Variants in SUDS3 observed in about 807,000 individuals in gnomAD.
SUDS3 encodes the protein SIN3A corepressor complex component SDS3.
SUDS3 carries 23 observed loss-of-function variants against 53.5 expected under a neutral mutation model. That is an observed-to-expected ratio of 0.43 (90% CI 0.31 to 0.61). The LOEUF (loss-of-function observed/expected upper bound fraction) is 0.61. SUDS3 is among the 20% of genes least tolerant of loss of function. The probability of loss-of-function intolerance (pLI) is 0.10; values close to 1 mark genes in which losing one functional copy is unlikely to be tolerated. For missense variants in SUDS3, 291 were observed against 405.9 expected, an observed-to-expected ratio of 0.72 and a Z score of 2.43; for synonymous variants, 150 against 148.5, an observed-to-expected ratio of 1.01 and a Z score of -0.08.
At chr12:118,383,840 C>A (rs1217044768) in intron 2 of SUDS3, among the ~76,000 whole-genome samples, 172 bp from the exon 3 acceptor site, 1 of 152,196 alleles carries the variant, frequency 6.6e-6, no homozygotes, top group East Asian at 1.9e-4. Flanking sequence ...CCTTTCTGAT[C>A]CCTGTGGCTG....
intron 4 of SUDS3, among the ~76,000 whole-genome samples, chr12:118,388,962 A>C (rs1310224564): frequency 6.6e-6 from 1 of 152,196 alleles, no homozygotes; most frequent in Non-Finnish European, 1.5e-5. Flanking sequence ...CCTCCTGGCC[A>C]ACATGGTGAA....
At chr12:118,394,405 T>A (rs962793142) in intron 6 of SUDS3, among the ~76,000 whole-genome samples, 1 of 152,174 alleles carries the variant, frequency 6.6e-6, no homozygotes, top group Non-Finnish European at 1.5e-5. Context: ...AGCCATTTGC[T>A]CACAGTCCCT....
At chr12:118,389,823 C>A in intron 4 of SUDS3, 104 bp from the exon 5 acceptor site, 1 of 1,372,912 alleles carries the variant, frequency 7.3e-7, no homozygotes, top group Non-Finnish European at 1.0e-6. Context: ...TGCTTTGTAA[C>A]ATGCTTTCAG....
At chr12:118,385,509 C>G (rs749610786) in intron 3 of SUDS3, among the ~76,000 whole-genome samples, 1 of 152,220 alleles carries the variant, frequency 6.6e-6, no homozygotes. Flanking sequence ...CACTTCCCCC[C>G]ACAAGATGGG....
Position 118,400,758 on chromosome 12 carries a change from T to C in SUDS3, c.613+4T>C. 2.5e-6 allele frequency: 4 copies of C among 1,613,588 alleles called. No individual in the cohort carries two copies. The highest frequency in any genetic ancestry group is 2.7e-5 in the African/African-American group (2 of 75,042). Reference sequence around the variant, plus strand: ...AAGAGGAGGAAACCTGCTCCAGATATCCATTTACATCAAGCCTTAACCGCC... The same window carrying C: ...AAGAGGAGGAAACCTGCTCCAGATACCCATTTACATCAAGCCTTAACCGCC... On this transcript the variant is annotated splice_donor_region_variant and intron_variant, in intron 7 of 11. Coordinates refer to ENST00000543473, the MANE Select transcript of SUDS3 (RefSeq NM_022491.3).
At chr12:118,412,788 G>A (rs187696616) in intron 11 of SUDS3, among the ~76,000 whole-genome samples, 13 of 152,182 alleles carry the variant, frequency 8.5e-5, no homozygotes, top group East Asian at 5.8e-4. Flanking sequence ...GAATATTGTC[G>A]CGTCTTGACA....
intron 2 of SUDS3, 30 bp from the exon 3 acceptor site, chr12:118,383,982 T>G: frequency 1.0e-5 from 16 of 1,593,236 alleles, no homozygotes; most frequent in Non-Finnish European, 1.4e-5. Flanking sequence ...AATGTTTTTA[T>G]CTGTTAGTGT....
Position 118,382,467 on chromosome 12 carries a change from T to C in SUDS3, c.213-1545T>C, listed in dbSNP as rs182522783. Among the ~76,000 whole-genome samples the C allele has an allele frequency of 2.0e-5, 3 of 151,260 alleles. No individual in the cohort carries two copies. The East Asian group carries it at 5.9e-4, about 30-fold the overall frequency. On this transcript the variant is annotated intron_variant, in intron 2 of 11. Transcript: ENST00000543473. ...GTCTCAACCTCTGGGGCTCAATCCA[T>C]TGATCCTCCCACCTCAGCCTTCCAA...
chr12:118,397,479 A>G (rs191556424), intron 6 of SUDS3, among the ~76,000 whole-genome samples: 8 of 152,262 alleles, frequency 5.3e-5, no homozygotes, highest in Admixed American at 5.2e-4. Context: ...CGTTGGAGCA[A>G]GGTGACTTAA....
intron 6 of SUDS3, among the ~76,000 whole-genome samples, chr12:118,392,763 G>T (rs893857767): frequency 1.3e-5 from 2 of 152,204 alleles, no homozygotes; most frequent in African/African-American, 4.8e-5. Context: ...CCTTCATTAG[G>T]CTAGTGGGAA....
intron 4 of SUDS3, among the ~76,000 whole-genome samples, chr12:118,386,638 C>T (rs756283588): frequency 2.0e-5 from 3 of 151,880 alleles, no homozygotes; most frequent in South Asian, 2.1e-4. Flanking sequence ...TTAGAGAAAA[C>T]GCACACTTGA....
intron 6 of SUDS3, 69 bp from the exon 7 acceptor site, chr12:118,400,590 A>G (rs2046255156): frequency 1.4e-6 from 2 of 1,454,952 alleles, no homozygotes; most frequent in Middle Eastern, 1.9e-4. Context: ...AGATATTCTT[A>G]TACTATAGAA....
chr12:118,386,044 A>T (rs1566198133), intron 3 of SUDS3, 70 bp from the exon 4 acceptor site: 5 of 1,266,950 alleles, frequency 3.9e-6, no homozygotes, highest in Non-Finnish European at 3.4e-6. Context: ...CTAGATAATA[A>T]TTTTAGGAAG....
chr12:118,411,533 T>C (rs2046359677), intron 11 of SUDS3, among the ~76,000 whole-genome samples: 1 of 152,094 alleles, frequency 6.6e-6, no homozygotes, highest in African/African-American at 2.4e-5. Flanking sequence ...AGTCTCACTC[T>C]GTTGCCCAGG....
intron 2 of SUDS3, among the ~76,000 whole-genome samples, chr12:118,380,435 AAAT>A (rs1306453277): frequency 1.3e-5 from 2 of 152,192 alleles, no homozygotes; most frequent in Non-Finnish European, 2.9e-5. Flanking sequence ...AGTATATTGC[AAAT>A]AATCTAAAAT....
At chr12:118,411,249 A>T in intron 11 of SUDS3, 92 bp downstream of exon 11, 1 of 1,045,638 alleles carries the variant, frequency 9.6e-7, no homozygotes, top group Non-Finnish European at 1.4e-6. Context: ...CCACCAAGGA[A>T]GTACAGTGGA....
chr12:118,405,399 C>G (rs965413541), intron 10 of SUDS3, among the ~76,000 whole-genome samples: 13 of 152,014 alleles, frequency 8.6e-5, no homozygotes, highest in African/African-American at 2.4e-4. Context: ...AAATAAAATT[C>G]TTGTTTTTTT....
At chr12:118,389,002 A>G (rs2046140537) in intron 4 of SUDS3, among the ~76,000 whole-genome samples, 1 of 152,112 alleles carries the variant, frequency 6.6e-6, no homozygotes, top group African/African-American at 2.4e-5. Context: ...TACAAAAATC[A>G]GCCAGGTGTG....
chr12:118,395,891 C>T (rs1043323098), intron 6 of SUDS3, among the ~76,000 whole-genome samples: 4 of 151,988 alleles, frequency 2.6e-5, no homozygotes, highest in African/African-American at 7.2e-5. Flanking sequence ...CGGGGTTTCA[C>T]CTTGTTGGCC....
Sources: gnomAD v4.1 joint callset for allele counts (sites outside exome capture counted in the v4.1 genomes callset) on GRCh38, gnomAD v4.1.1 for gene constraint, MANE v1.5 for transcripts, NCBI Gene and HGNC (gene_info 2026-07-23, HGNC 2026-07-21) for gene names.